The following DCC variants were observed in gnomAD, a reference collection of about 807,000 sequenced individuals.
The protein encoded by DCC is DCC netrin 1 receptor.
Under a neutral mutation model 172.5 loss-of-function variants are expected in DCC, and 58 were observed. That is an observed-to-expected ratio of 0.34 (90% CI 0.27 to 0.42). The LOEUF is 0.42. Among genes scored for constraint, DCC ranks in the 10% least tolerant of loss-of-function variants. The pLI is 1.00. For missense variants in DCC, 1,740 were observed against 1,791.0 expected (o/e 0.97, Z 0.51); for synonymous variants, 709 against 644.5 (o/e 1.10, Z -1.52).
intron 27 of DCC, among the ~76,000 whole-genome samples, chr18:53,521,398 C>A (rs886533698): frequency 4.6e-5 from 7 of 152,034 alleles, no homozygotes; most frequent in Non-Finnish European, 8.8e-5. Flanking sequence ...TAGTGCAATA[C>A]ACCTAAGTGT....
intron 1 of DCC, among the ~76,000 whole-genome samples, chr18:52,738,989 C>T (rs1382909068): frequency 6.6e-6 from 1 of 151,564 alleles, no homozygotes; most frequent in Non-Finnish European, 1.5e-5. Flanking sequence ...CTCAAATGAT[C>T]CTCTCACCTC....
intron 5 of DCC, among the ~76,000 whole-genome samples, chr18:52,975,155 G>T (rs190632234): frequency 6.6e-6 from 1 of 151,988 alleles, no homozygotes; most frequent in African/African-American, 2.4e-5. Flanking sequence ...TAGTAACCTC[G>T]ACCACATATA....
chr18:53,210,518 T>G (rs1450754140), intron 11 of DCC, among the ~76,000 whole-genome samples: 2 of 152,206 alleles, frequency 1.3e-5, no homozygotes, highest in Non-Finnish European at 2.9e-5. Context: ...TCACCTCTGT[T>G]TTCTTCCTGA....
At chr18:53,104,122 T>C (rs1336201771) in intron 7 of DCC, among the ~76,000 whole-genome samples, 1 of 152,018 alleles carries the variant, frequency 6.6e-6, no homozygotes, top group East Asian at 1.9e-4. Flanking sequence ...CAGGCTTCAG[T>C]GTGGTGCAGC....
chr18:52,385,624 A>G (rs1426322926), intron 1 of DCC, among the ~76,000 whole-genome samples: 1 of 151,578 alleles, frequency 6.6e-6, no homozygotes, highest in African/African-American at 2.4e-5. Context: ...TATATAACCA[A>G]TTGATAGTGG....
At chr18:53,173,445 CT>C (rs1314234033) in intron 8 of DCC, among the ~76,000 whole-genome samples, 3 of 152,066 alleles carry the variant, frequency 2.0e-5, no homozygotes, top group Non-Finnish European at 4.4e-5. Flanking sequence ...GCACATGTAC[CT>C]TGTTGTGCTA....
At chr18:53,449,920 C>T (rs2045386185) in intron 22 of DCC, among the ~76,000 whole-genome samples, 1 of 152,092 alleles carries the variant, frequency 6.6e-6, no homozygotes, top group African/African-American at 2.4e-5. Context: ...CTCTTTCCAT[C>T]CACTGGAAAA....
intron 1 of DCC, among the ~76,000 whole-genome samples, chr18:52,456,252 G>C (rs347539): frequency 6.6e-6 from 1 of 152,012 alleles, no homozygotes; most frequent in Non-Finnish European, 1.5e-5. Flanking sequence ...GTCTTATAGT[G>C]ATTATTATTG....
At chr18:52,390,154 A>G (rs1243432482) in intron 1 of DCC, among the ~76,000 whole-genome samples, 1 of 152,082 alleles carries the variant, frequency 6.6e-6, no homozygotes, top group African/African-American at 2.4e-5. Flanking sequence ...TCTTCCCTCT[A>G]TGAGGATCCT....
chr18:52,978,561 A>T (rs967038789), intron 5 of DCC, among the ~76,000 whole-genome samples: 3 of 152,184 alleles, frequency 2.0e-5, no homozygotes, highest in African/African-American at 7.2e-5. Flanking sequence ...TTATCAACTC[A>T]TTTTATACAG....
intron 3 of DCC, among the ~76,000 whole-genome samples, chr18:52,919,771 G>T (rs1172535761): frequency 6.6e-6 from 1 of 151,992 alleles, no homozygotes; most frequent in Non-Finnish European, 1.5e-5. Context: ...ACCCAGAATA[G>T]AGAGCACAAT....
intron 15 of DCC, among the ~76,000 whole-genome samples, chr18:53,340,298 G>A (rs543922921): frequency 6.6e-6 from 1 of 152,158 alleles, no homozygotes; most frequent in South Asian, 2.1e-4. Context: ...TTTCATCTTT[G>A]TTGTTGTCAC....
chr18:52,878,746 G>C (rs900045660), intron 2 of DCC, among the ~76,000 whole-genome samples: 1 of 152,126 alleles, frequency 6.6e-6, no homozygotes, highest in Non-Finnish European at 1.5e-5. Flanking sequence ...CTAGTGACTG[G>C]AGTAGTTTCT....
At chr18:52,404,672 T>TA (rs1568153740) in intron 1 of DCC, among the ~76,000 whole-genome samples, 3 of 151,362 alleles carry the variant, frequency 2.0e-5, no homozygotes, top group Admixed American at 6.6e-5. Flanking sequence ...TTTTTTTTTT[T>TA]AAATTATACT....
At chr18:53,450,794 T>A in intron 23 of DCC, 132 bp downstream of exon 23, 4 of 772,050 alleles carry the variant, frequency 5.2e-6, no homozygotes, top group Non-Finnish European at 8.9e-6. Flanking sequence ...AAACCTTGCG[T>A]TTTGTCTATT....
chr18:53,019,492 A>G (rs2041850690), intron 5 of DCC, among the ~76,000 whole-genome samples: 1 of 152,166 alleles, frequency 6.6e-6, no homozygotes, highest in Non-Finnish European at 1.5e-5. Flanking sequence ...CAAACTTTTT[A>G]TTCCCAGGAT....
intron 2 of DCC, among the ~76,000 whole-genome samples, chr18:52,871,237 C>T (rs775631885): frequency 2.0e-5 from 3 of 152,240 alleles, no homozygotes; most frequent in Non-Finnish European, 4.4e-5. Context: ...CCAACCCCTC[C>T]ACGGTGGAAA....
chr18:53,274,064 A>G (rs1415854110), intron 12 of DCC, among the ~76,000 whole-genome samples: 1 of 152,162 alleles, frequency 6.6e-6, no homozygotes, highest in East Asian at 1.9e-4. Context: ...TATTGAAAAC[A>G]AAATAGGTGA....
chr18:52,802,643 CTTTT>C (rs776080029), intron 2 of DCC, among the ~76,000 whole-genome samples: 72 of 38,116 alleles, frequency 1.9e-3, no homozygotes, highest in Non-Finnish European at 2.8e-3. Context: ...CACGCCAAGC[CTTTT>C]TTTTTTTTTT....
Sources: gnomAD v4.1 joint callset for allele counts (sites outside exome capture counted in the v4.1 genomes callset) on GRCh38, gnomAD v4.1.1 for gene constraint, MANE v1.5 for transcripts, NCBI Gene and HGNC (gene_info 2026-07-23, HGNC 2026-07-21) for gene names.